Variants in DRC7 observed in about 807,000 individuals in gnomAD.
DRC7 encodes coiled-coil domain containing 135.
In DRC7, 80 loss-of-function variants were observed where a neutral mutation model predicts 104.4. The observed-to-expected ratio is 0.77, with a 90% CI of 0.64 to 0.92. The LOEUF is 0.92. Ranked by LOEUF, DRC7 falls within the 40% of genes least tolerant of loss-of-function variation. The pLI, the probability that DRC7 is intolerant of heterozygous loss-of-function variation, is 0.00. For missense variants in DRC7, 1,034 were observed against 1,141.1 expected, an observed-to-expected ratio of 0.91 and a Z score of 1.35; for synonymous variants, 405 against 447.3, an observed-to-expected ratio of 0.91 and a Z score of 1.19.
intron 17 of DRC7, among the ~76,000 whole-genome samples, chr16:57,730,700 C>CCT (rs34643221): frequency 0.36 from 54,775 of 151,774 alleles, 12,908 homozygotes; most frequent in African/African-American, 0.66. Flanking sequence ...AGTCTTGCCC[C>CCT]GTTCTGATCT....
chr16:57,719,045 C>G (rs373437918), intron 9 of DRC7, among the ~76,000 whole-genome samples: 2 of 151,572 alleles, frequency 1.3e-5, no homozygotes, highest in Non-Finnish European at 1.5e-5. Context: ...CATAACACCC[C>G]GCTCTGCAAC....
intron 5 of DRC7, 99 bp from the exon 6 acceptor site, chr16:57,701,837 C>A: frequency 9.2e-7 from 1 of 1,083,964 alleles, no homozygotes. Flanking sequence ...GTGCATTGGT[C>A]CTGGCTCCCC....
chr16:57,695,093 C>G (rs921927240), intron 1 of DRC7, among the ~76,000 whole-genome samples: 6 of 152,092 alleles, frequency 3.9e-5, no homozygotes, highest in Non-Finnish European at 7.4e-5. Context: ...ACTGCCTTCC[C>G]CACACTGGGC....
intron 10 of DRC7, among the ~76,000 whole-genome samples, chr16:57,722,457 T>C (rs1357511970): frequency 4.6e-5 from 7 of 152,046 alleles, no homozygotes; most frequent in Non-Finnish European, 1.0e-4. Flanking sequence ...GAGAGTGTGG[T>C]TGGCTGCAGG....
chr16:57,711,237 A>G (rs2148750235), intron 8 of DRC7, among the ~76,000 whole-genome samples: 1 of 152,352 alleles, frequency 6.6e-6, no homozygotes, highest in East Asian at 1.9e-4. Context: ...ATTTATTGTT[A>G]TGAAAGTGTT....
intron 9 of DRC7, among the ~76,000 whole-genome samples, chr16:57,719,952 A>G (rs2048885394): frequency 6.6e-6 from 1 of 152,234 alleles, no homozygotes; most frequent in South Asian, 2.1e-4. Context: ...TAAGAAAAAT[A>G]AATAAAACAA....
At chr16:57,702,249 C>T in intron 6 of DRC7, 119 bp downstream of exon 6, 2 of 965,554 alleles carry the variant, frequency 2.1e-6, no homozygotes, top group South Asian at 1.6e-5. Flanking sequence ...CACGCGGACA[C>T]AGATCCCTCA....
At position 57,698,067 on chromosome 16, in the gene DRC7, G is replaced by C. The variant is rs563865067; in HGVS notation, c.118G>C (p.Glu40Gln). 2.5e-6 allele frequency: 4 copies of C among 1,614,038 alleles called. No homozygotes were observed. The highest frequency in any genetic ancestry group is 3.4e-6 in the Non-Finnish European group (4 of 1,180,040). Reference sequence around the variant, plus strand: ...GATGAGGCCAGTTGAGGTGCGGAAGGAGGAAATCACCTTAAAGCAGGAGAC... The same window carrying C: ...GATGAGGCCAGTTGAGGTGCGGAAGCAGGAAATCACCTTAAAGCAGGAGAC... Reference protein sequence around the residue: ...KMMRPVEVRKEEITLKQETLR... With the variant: ...KMMRPVEVRKQEITLKQETLR... The change falls in exon 3 of 19, where the codon GAG becomes CAG. Residue 40 changes from glutamate (E) to glutamine (Q), a missense_variant. Transcript: ENST00000360716.
intron 4 of DRC7, 126 bp from the exon 5 acceptor site, chr16:57,700,019 G>A: frequency 8.9e-7 from 1 of 1,118,064 alleles, no homozygotes; most frequent in Non-Finnish European, 1.3e-6. Flanking sequence ...CCCAGGTCAT[G>A]TGGGCCTGGC....
At chr16:57,697,755 C>T in intron 2 of DRC7, 158 bp from the exon 3 acceptor site, 3 of 767,044 alleles carry the variant, frequency 3.9e-6, no homozygotes, top group Non-Finnish European at 6.3e-6. Context: ...CAGAGACTTT[C>T]TCCATGTTTG....
intron 3 of DRC7, 52 bp from the exon 4 acceptor site, chr16:57,698,798 G>T (rs1258938429): frequency 6.3e-7 from 1 of 1,575,758 alleles, no homozygotes; most frequent in African/African-American, 1.3e-5. Flanking sequence ...TGGAACCAGG[G>T]CTCCTGTGTG....
Position 57,695,350 on chromosome 16 carries a change from T to G in DRC7, c.-169+498T>G, listed in dbSNP as rs1277375039. Reference sequence around the variant, plus strand: ...TTCAAATCCCAGACCTGCTACTTACTGGCTGTACCTTAAGCAGTGCACTTA... The same window carrying G: ...TTCAAATCCCAGACCTGCTACTTACGGGCTGTACCTTAAGCAGTGCACTTA... On this transcript the variant is annotated intron_variant, in intron 1 of 18. Coordinates refer to ENST00000360716, the MANE Select transcript of DRC7 (RefSeq NM_001289162.2). Among the ~76,000 whole-genome samples, 3 of 151,176 alleles carry G rather than the reference T, an allele frequency of 2.0e-5. No homozygotes were observed. In the East Asian group the frequency reaches 5.9e-4, roughly 30 times the overall value.
intron 13 of DRC7, 49 bp from the exon 14 acceptor site, chr16:57,726,019 T>C: frequency 2.0e-6 from 3 of 1,519,806 alleles, no homozygotes; most frequent in South Asian, 1.2e-5. Context: ...AGAAATCTCC[T>C]CTCACACGCT....
intron 17 of DRC7, among the ~76,000 whole-genome samples, chr16:57,730,159 G>GGGT: frequency 7.9e-6 from 1 of 126,978 alleles, no homozygotes; most frequent in Admixed American, 7.5e-5. Flanking sequence ...ATGGATGGAT[G>GGGT]GATGAGTAGG....
chr16:57,720,356 A>G (rs2923140), intron 9 of DRC7, among the ~76,000 whole-genome samples: 89,817 of 152,080 alleles, frequency 0.59, 27,723 homozygotes, highest in African/African-American at 0.77. Context: ...AGTGTAGACC[A>G]TCTCAAAAGG....
chr16:57,727,211 T>C, intron 15 of DRC7, 88 bp from the exon 16 acceptor site: 3 of 1,041,128 alleles, frequency 2.9e-6, no homozygotes, highest in Non-Finnish European at 4.5e-6. Context: ...ATTCATGCAA[T>C]CTGCCCTCCT....
intron 12 of DRC7, among the ~76,000 whole-genome samples, chr16:57,723,506 G>A (rs1365254092): frequency 1.3e-5 from 2 of 152,076 alleles, no homozygotes; most frequent in Non-Finnish European, 2.9e-5. Context: ...GCCAACATGG[G>A]CAGTTGAGCC....
intron 1 of DRC7, among the ~76,000 whole-genome samples, chr16:57,696,026 C>A (rs1798125731): frequency 1.3e-5 from 2 of 152,224 alleles, no homozygotes; most frequent in Admixed American, 1.3e-4. Flanking sequence ...CAAGGGGATT[C>A]TGCTTTTTTT....
rs143054335 is a variant in DRC7 at position 57,726,203 on chromosome 16, C to T, written c.1894C>T (p.Arg632Cys). The change falls in exon 14 of 19, where the codon CGC becomes TGC. Residue 632 changes from arginine to cysteine, a missense_variant. Arg to Cys is a radical substitution (Grantham distance 180, BLOSUM62 -3). Coordinates refer to ENST00000360716, the MANE Select transcript of DRC7 (RefSeq NM_001289162.2). ...CREDHITASK[R>C]EFLRRTEVDS... is the part of the protein sequence containing the mutation. Reference sequence around the variant, plus strand: ...TGAGGACCACATCACGGCCTCCAAGCGCGAGTTCCTGCGGCGCACCGAGGT... The same window carrying T: ...TGAGGACCACATCACGGCCTCCAAGTGCGAGTTCCTGCGGCGCACCGAGGT... 77 of 1,613,006 alleles carry T rather than the reference C, an allele frequency of 4.8e-5. No individual in the cohort carries two copies. Among genetic ancestry groups the T allele is most frequent in the Non-Finnish European group, 6.1e-5 (72 of 1,179,998 alleles).
Sources: gnomAD v4.1 joint callset for allele counts (sites outside exome capture counted in the v4.1 genomes callset) on GRCh38, gnomAD v4.1.1 for gene constraint, MANE v1.5 for transcripts, NCBI Gene and HGNC (gene_info 2026-07-23, HGNC 2026-07-21) for gene names.